KCNJ3: variants seen among roughly 807,000 people sequenced by gnomAD.
KCNJ3 encodes the protein potassium inwardly rectifying channel subfamily J member 3, also known as G protein-activated inward rectifier potassium channel 1.
Under a neutral mutation model 39.2 loss-of-function variants are expected in KCNJ3, and 4 were observed. That is an observed-to-expected ratio of 0.10 (90% confidence interval 0.05 to 0.23). The LOEUF is 0.23. KCNJ3 is among the 10% of genes least tolerant of loss of function. KCNJ3 has a pLI of 1.00. For missense variants in KCNJ3, 276 were observed against 634.9 expected (o/e 0.43, Z 6.08); for synonymous variants, 230 against 237.4 (o/e 0.97, Z 0.29).
At chr2:154,794,102 A>G (rs1196977682) in intron 2 of KCNJ3, among the ~76,000 whole-genome samples, 6 of 151,976 alleles carry the variant, frequency 3.9e-5, no homozygotes, top group Non-Finnish European at 7.4e-5. Context: ...AAATCTAACT[A>G]AAGAATCAGA....
chr2:154,818,918 CTTTTTTTTT>C (rs57668487), intron 2 of KCNJ3, among the ~76,000 whole-genome samples: 14 of 52,434 alleles, frequency 2.7e-4, no homozygotes, highest in South Asian at 2.4e-3. Context: ...CTGCAAAAGC[CTTTTTTTTT>C]TTTTTTTTTT....
At chr2:154,731,804 G>T (rs1410776537) in intron 2 of KCNJ3, among the ~76,000 whole-genome samples, 1 of 151,712 alleles carries the variant, frequency 6.6e-6, no homozygotes, top group African/African-American at 2.4e-5. Flanking sequence ...GGGGATTCCA[G>T]GGTAAGCCCA....
Position 154,856,872 on chromosome 2 carries a change from CTTCT to C in KCNJ3, c.*1562_*1565del, listed in dbSNP as rs1320214608. On this transcript the variant is annotated 3_prime_UTR_variant, in exon 3 of 3. Coordinates refer to ENST00000295101, the MANE Select transcript of KCNJ3 (RefSeq NM_002239.4). ...GAATATCATGGGTTTTCCTATAAAA[CTTCT>C]TTAAGTATTGTAATTCCAGTCTGCC... is the stretch of plus-strand genomic sequence containing the variant. The C allele has an allele frequency of 6.6e-6, 1 of 152,068 alleles. No individual in the cohort carries two copies. The highest frequency in any genetic ancestry group is 1.5e-5 in the Non-Finnish European group (1 of 68,018). The allele number at this position is 152,068 out of a possible 1,614,324, so 9.4% of individuals were successfully genotyped here.
intron 2 of KCNJ3, among the ~76,000 whole-genome samples, chr2:154,746,571 T>C (rs1228372126): frequency 2.7e-5 from 4 of 150,470 alleles, no homozygotes; most frequent in East Asian, 1.9e-4. Flanking sequence ...AACTTGTCTA[T>C]ATGGAGGGTC....
intron 2 of KCNJ3, among the ~76,000 whole-genome samples, chr2:154,733,551 G>A (rs867040334): frequency 1.8e-4 from 28 of 152,280 alleles, no homozygotes; most frequent in Middle Eastern, 3.4e-3. Context: ...CGTTGTCTCA[G>A]GTGAATGAAT....
chr2:154,718,286 C>A (rs1398334775), intron 2 of KCNJ3, among the ~76,000 whole-genome samples: 1 of 152,088 alleles, frequency 6.6e-6, no homozygotes, highest in African/African-American at 2.4e-5. Context: ...CCACACATTC[C>A]TTTTTAATCT....
chr2:154,741,067 T>C (rs1685646596), intron 2 of KCNJ3, among the ~76,000 whole-genome samples: 1 of 152,022 alleles, frequency 6.6e-6, no homozygotes, highest in African/African-American at 2.4e-5. Flanking sequence ...ACACAGCTTT[T>C]AATAATCTTA....
chr2:154,729,806 T>A (rs1364452668), intron 2 of KCNJ3, among the ~76,000 whole-genome samples: 1 of 152,174 alleles, frequency 6.6e-6, no homozygotes, highest in East Asian at 1.9e-4. Flanking sequence ...AATGAAATAA[T>A]TTTAAATCAG....
At chr2:154,716,429 A>AT (rs1335708004) in intron 2 of KCNJ3, among the ~76,000 whole-genome samples, 4 of 150,748 alleles carry the variant, frequency 2.7e-5, no homozygotes, top group Non-Finnish European at 4.4e-5. Flanking sequence ...CTAGCCCATT[A>AT]TTTTTTTTCT....
intron 2 of KCNJ3, among the ~76,000 whole-genome samples, chr2:154,760,556 T>C (rs192103698): frequency 3.3e-5 from 5 of 150,724 alleles, no homozygotes; most frequent in Admixed American, 3.3e-4. Flanking sequence ...TCTCTCTTTC[T>C]CTCTCTCTCT....
At chr2:154,789,898 G>C (rs1686596921) in intron 2 of KCNJ3, among the ~76,000 whole-genome samples, 2 of 152,014 alleles carry the variant, frequency 1.3e-5, no homozygotes, top group Admixed American at 1.3e-4. Flanking sequence ...CAAAATAAAG[G>C]AATACAAAAT....
At position 154,788,770 on chromosome 2, in the gene KCNJ3, T is replaced by G. The variant is rs549186035; in HGVS notation, c.920-65957T>G. ...GAAAATATCAGTATGTGAGTGTGAG[T>G]TGTTTTTTTTTTTAAAAAGAAACTC... On this transcript the variant is annotated intron_variant, in intron 2 of 2. Coordinates refer to ENST00000295101, the MANE Select transcript of KCNJ3 (RefSeq NM_002239.4). Among the ~76,000 whole-genome samples the G allele has an allele frequency of 3.7e-4, 51 of 138,840 alleles. 1 individual carries two copies. Among genetic ancestry groups the G allele is most frequent in the Non-Finnish European group, 7.1e-4 (44 of 61,626 alleles). The allele number at this position is 138,840 out of a possible 152,430, so 91.1% of individuals were successfully genotyped here.
intron 1 of KCNJ3, among the ~76,000 whole-genome samples, chr2:154,704,360 C>T (rs772004284): frequency 1.3e-5 from 2 of 152,008 alleles, no homozygotes; most frequent in African/African-American, 4.8e-5. Context: ...AGTAGGGTTA[C>T]GAAGCCTGTC....
intron 2 of KCNJ3, among the ~76,000 whole-genome samples, chr2:154,710,806 C>A (rs1685091910): frequency 6.6e-6 from 1 of 152,066 alleles, no homozygotes. Flanking sequence ...CAGATAAATT[C>A]AAGCTTTATA....
chr2:154,742,325 G>T (rs967268749), intron 2 of KCNJ3, among the ~76,000 whole-genome samples: 5 of 151,780 alleles, frequency 3.3e-5, no homozygotes, highest in African/African-American at 9.7e-5. Context: ...TGTGAATACT[G>T]CTGTAGTGAA....
At chr2:154,817,103 G>C (rs1022572216) in intron 2 of KCNJ3, among the ~76,000 whole-genome samples, 1 of 152,082 alleles carries the variant, frequency 6.6e-6, no homozygotes, top group Admixed American at 6.6e-5. Flanking sequence ...TGCATTAATT[G>C]CATTCAAGAT....
intron 2 of KCNJ3, among the ~76,000 whole-genome samples, chr2:154,835,264 C>T (rs1320714610): frequency 2.0e-5 from 3 of 151,532 alleles, no homozygotes; most frequent in African/African-American, 4.8e-5. Flanking sequence ...TGGAATATTA[C>T]CTTGTTAATT....
At chr2:154,749,467 G>A (rs1016711056) in intron 2 of KCNJ3, among the ~76,000 whole-genome samples, 4 of 152,026 alleles carry the variant, frequency 2.6e-5, no homozygotes, top group Non-Finnish European at 4.4e-5. Flanking sequence ...GGGCAAATGA[G>A]CAAAAGATTT....
intron 2 of KCNJ3, among the ~76,000 whole-genome samples, chr2:154,732,477 T>C (rs1685462641): frequency 1.3e-5 from 2 of 152,132 alleles, no homozygotes; most frequent in Non-Finnish European, 2.9e-5. Context: ...GGCTCATATT[T>C]TGGAAAAAGA....
Sources: allele counts gnomAD v4.1 joint callset (sites outside exome capture counted in the v4.1 genomes callset), GRCh38; gene constraint gnomAD v4.1.1; transcripts MANE v1.5; gene names NCBI Gene and HGNC (gene_info 2026-07-23, HGNC 2026-07-21).